Variants in ALDH1A2 observed in about 807,000 individuals in gnomAD.
The protein encoded by ALDH1A2 is retinal dehydrogenase 2.
ALDH1A2 carries 27 observed loss-of-function variants against 60.3 expected under a neutral mutation model. That is an observed-to-expected ratio of 0.45 (90% CI 0.33 to 0.62). The LOEUF is 0.62. Ranked by LOEUF, ALDH1A2 falls within the 20% of genes least tolerant of loss-of-function variation. ALDH1A2 has a pLI of 0.02. For missense variants in ALDH1A2, 581 were observed against 643.8 expected (o/e 0.90, Z 1.06); for synonymous variants, 289 against 232.4 (o/e 1.24, Z -2.21).
At chr15:57,987,635 C>T (rs988774678) in intron 7 of ALDH1A2, among the ~76,000 whole-genome samples, 1 of 152,100 alleles carries the variant, frequency 6.6e-6, no homozygotes, top group Non-Finnish European at 1.5e-5. Context: ...AATCCCAGCA[C>T]TTTGGGAGGC....
intron 1 of ALDH1A2, 190 bp from the exon 2 acceptor site, chr15:58,014,471 A>T (rs761130861): frequency 3.1e-6 from 2 of 641,990 alleles, no homozygotes; most frequent in Non-Finnish European, 5.8e-6. Context: ...TTGCTTTAAC[A>T]TCATCCAAAG....
Position 58,061,605 on chromosome 15 carries a change from AAAAAC to A in ALDH1A2, c.117+3924_117+3928del, listed in dbSNP as rs1399868317. On this transcript the variant is annotated intron_variant, in intron 1 of 12. Transcript: ENST00000249750. ...TTAAACTCCTTCCCTCAAAAAAAAA[AAAAAC>A]AAAAAAAAAAAAAAAACGGAACAAA... Among the ~76,000 whole-genome samples the A allele has an allele frequency of 3.2e-4, 47 of 145,922 alleles. 1 individual carries two copies. Among genetic ancestry groups the A allele is most frequent in the South Asian group, 1.5e-3 (7 of 4,566 alleles).
intron 7 of ALDH1A2, among the ~76,000 whole-genome samples, chr15:57,977,800 T>C (rs1214263603): frequency 6.6e-6 from 1 of 152,246 alleles, no homozygotes; most frequent in African/African-American, 2.4e-5. Flanking sequence ...TAAATTACTT[T>C]GGGCAGTATG....
intron 7 of ALDH1A2, among the ~76,000 whole-genome samples, chr15:57,985,882 GAGAGT>G (rs1894683492): frequency 6.6e-6 from 1 of 152,152 alleles, no homozygotes; most frequent in African/African-American, 2.4e-5. Context: ...AGTTACTTAT[GAGAGT>G]AAAGTACTGC....
At chr15:57,963,589 C>T (rs35268022) in intron 9 of ALDH1A2, among the ~76,000 whole-genome samples, 4,570 of 152,092 alleles carry the variant, frequency 0.03, 79 homozygotes, top group Non-Finnish European at 0.046. Context: ...ATGATCCGCC[C>T]GCCTCGGCCT....
chr15:57,965,371 G>C (rs35366060), intron 8 of ALDH1A2, among the ~76,000 whole-genome samples: 84 of 152,320 alleles, frequency 5.5e-4, no homozygotes, highest in African/African-American at 1.9e-3. Context: ...ACCAGGCACA[G>C]TTGAAAAGTT....
chr15:58,033,847 T>A (rs1445193157), intron 1 of ALDH1A2, among the ~76,000 whole-genome samples: 2 of 113,464 alleles, frequency 1.8e-5, no homozygotes, highest in African/African-American at 3.1e-5. Flanking sequence ...CTTATTTTTC[T>A]GTATTTTTTT....
intron 1 of ALDH1A2, among the ~76,000 whole-genome samples, chr15:58,061,723 TTTC>T (rs1423003915): frequency 6.6e-6 from 1 of 151,988 alleles, no homozygotes; most frequent in African/African-American, 2.4e-5. Context: ...GGCCAATGTC[TTTC>T]TTATGAATTA....
At chr15:57,956,058 T>C (rs1001169782) in intron 12 of ALDH1A2, among the ~76,000 whole-genome samples, 8 of 152,266 alleles carry the variant, frequency 5.3e-5, no homozygotes, top group East Asian at 1.9e-4. Flanking sequence ...ACCACACTTA[T>C]CACACTGGGA....
chr15:57,989,568 T>C (rs928104605), intron 7 of ALDH1A2, among the ~76,000 whole-genome samples: 1 of 152,204 alleles, frequency 6.6e-6, no homozygotes, highest in African/African-American at 2.4e-5. Flanking sequence ...GAAAAAATTA[T>C]GAGCTCTAAA....
At position 57,955,244 on chromosome 15, in the gene ALDH1A2, AG is replaced by A; in HGVS notation, c.1509del (p.Ser504GlnfsTer6). 6.2e-7 allele frequency: 1 copy of A among 1,613,972 alleles called. No homozygotes were observed. On this transcript the variant is annotated frameshift_variant, in exon 13 of 13. Transcript: ENST00000249750. LOFTEE classifies it high-confidence loss of function. ...REMGEFGLRE[Y>X]SEVKTVTVKI... ...TTTACTGTCACCGTCTTAACTTCTG[AG>A]TACTCCCGCAAGCCAAATTCTCCCC... is the stretch of plus-strand genomic sequence containing the variant.
chr15:58,052,505 G>T (rs8034157), intron 1 of ALDH1A2, among the ~76,000 whole-genome samples: 2 of 151,602 alleles, frequency 1.3e-5, no homozygotes, highest in Non-Finnish European at 1.5e-5. Context: ...TTGCTCTGTC[G>T]CCCAGGCTGC....
At chr15:58,037,674 A>C (rs1392388540) in intron 1 of ALDH1A2, among the ~76,000 whole-genome samples, 1 of 151,722 alleles carries the variant, frequency 6.6e-6, no homozygotes, top group East Asian at 1.9e-4. Flanking sequence ...CAATTTCTGC[A>C]TTTAGCTAGT....
At chr15:57,991,444 T>G (rs1431140104) in intron 7 of ALDH1A2, 1 of 152,208 alleles carries the variant, frequency 6.6e-6, no homozygotes, top group Non-Finnish European at 1.5e-5. Context: ...TATTAATAAA[T>G]CTTTTATTAA....
At chr15:58,019,347 C>T (rs1895863645) in intron 1 of ALDH1A2, among the ~76,000 whole-genome samples, 2 of 152,288 alleles carry the variant, frequency 1.3e-5, no homozygotes, top group South Asian at 2.1e-4. Flanking sequence ...GATGCCAAAT[C>T]ATTTTAAGTT....
chr15:58,046,966 T>C (rs1234415963), intron 1 of ALDH1A2, among the ~76,000 whole-genome samples: 1 of 152,026 alleles, frequency 6.6e-6, no homozygotes, highest in Non-Finnish European at 1.5e-5. Context: ...TTCAAAACAG[T>C]GAAACTTACT....
rs995620990 is a variant in ALDH1A2 at position 57,954,445 on chromosome 15, C to A, written c.*752G>T. 3.3e-5 allele frequency: 5 copies of A among 152,942 alleles called. No individual in the cohort carries two copies. The highest frequency in any genetic ancestry group is 9.6e-5 in the African/African-American group (4 of 41,458). 9.5% of individuals were successfully genotyped at this position (152,942 alleles called of 1,614,324 possible). ...TATTCCAGAATAACTGAGAAGGAAT[C>A]TAATACACACACACCCCAAAACTGC... On this transcript the variant is annotated 3_prime_UTR_variant, in exon 13 of 13. Transcript: ENST00000249750.
chr15:58,014,167 A>C lies in ALDH1A2; in HGVS notation c.222+10T>G. 6.2e-7 allele frequency: 1 copy of C among 1,614,134 alleles called. No homozygotes were observed. On this transcript the variant is annotated intron_variant, in intron 2 of 12. Transcript: ENST00000249750. ...TTTCATAGGAAATCTTTTATCTACA[A>C]AAGACATACCTTGTCTGCTTCTTGA...
chr15:58,007,101 T>C (rs1895485653), intron 4 of ALDH1A2, among the ~76,000 whole-genome samples: 1 of 151,894 alleles, frequency 6.6e-6, no homozygotes, highest in South Asian at 2.1e-4. Context: ...ATGAGTTCAG[T>C]GTTCATAAAT....
Sources: allele counts gnomAD v4.1 joint callset (sites outside exome capture counted in the v4.1 genomes callset), GRCh38; gene constraint gnomAD v4.1.1; transcripts MANE v1.5; gene names NCBI Gene and HGNC (gene_info 2026-07-23, HGNC 2026-07-21).